The following DMD variants were observed in gnomAD, a reference collection of about 807,000 sequenced individuals.
DMD encodes the protein mutant dystrophin.
A neutral mutation model predicts 330.1 loss-of-function variants in DMD; 63 were observed. That is an observed-to-expected ratio of 0.19 (90% CI 0.16 to 0.24). The LOEUF (loss-of-function observed/expected upper bound fraction) is 0.24, where lower values mean the gene tolerates loss of function less well. Ranked by LOEUF, DMD falls within the 10% of genes least tolerant of loss-of-function variation. DMD has a pLI of 1.00. For missense variants in DMD, 3,344 were observed against 2,684.1 expected (o/e 1.25, Z -5.43); for synonymous variants, 1,223 against 959.8 (o/e 1.27, Z -5.07).
intron 52 of DMD, among the ~76,000 whole-genome samples, chrX:31,684,942 G>A (rs2082594995): frequency 8.9e-6 from 1 of 112,178 alleles, no homozygotes; most frequent in African/African-American, 3.2e-5. Context: ...CTCTTTTGAT[G>A]TAAACAAAGG....
At chrX:31,316,128 C>T (rs970354025) in intron 62 of DMD, among the ~76,000 whole-genome samples, 2 of 111,967 alleles carry the variant, frequency 1.8e-5, no homozygotes, top group African/African-American at 6.5e-5. Context: ...ACCATTCATA[C>T]ATCCATGCCA....
At chrX:32,889,907 A>G (rs987333897) in intron 2 of DMD, among the ~76,000 whole-genome samples, 4 of 111,330 alleles carry the variant, frequency 3.6e-5, no homozygotes, top group Admixed American at 2.9e-4. Flanking sequence ...TCCCCTCCAG[A>G]AATTTAAGAC....
intron 53 of DMD, among the ~76,000 whole-genome samples, chrX:31,673,563 A>G (rs937775337): frequency 1.8e-5 from 2 of 111,166 alleles, no homozygotes; most frequent in Non-Finnish European, 3.8e-5. Context: ...AGCCAAGATC[A>G]TGCCACTGCA....
intron 57 of DMD, among the ~76,000 whole-genome samples, chrX:31,485,548 CTAAA>C (rs921448094): frequency 3.6e-5 from 4 of 111,148 alleles, no homozygotes; most frequent in African/African-American, 1.3e-4. Context: ...ATAAAAATAT[CTAAA>C]TAATGCCATA....
intron 5 of DMD, among the ~76,000 whole-genome samples, chrX:32,822,349 T>C (rs1032577026): frequency 1.1e-4 from 12 of 110,361 alleles, no homozygotes; most frequent in African/African-American, 4.0e-4. Flanking sequence ...CGTGGAAGTT[T>C]AAATTCAAGT....
At chrX:32,887,753 A>C (rs2084769888) in intron 2 of DMD, among the ~76,000 whole-genome samples, 1 of 93,025 alleles carries the variant, frequency 1.1e-5, no homozygotes, top group Non-Finnish European at 2.1e-5. Context: ...CTCAAAAAAA[A>C]AAAAAAAAAA....
chrX:31,205,091 G>A (rs931190778), intron 66 of DMD, among the ~76,000 whole-genome samples: 3 of 111,919 alleles, frequency 2.7e-5, no homozygotes, highest in Middle Eastern at 4.6e-3. Context: ...GATAGTAGGT[G>A]CCCAATATAT....
Position 31,779,694 on chromosome X carries a change from T to C in DMD, c.7310-5502A>G, listed in dbSNP as rs1157805570. Among the ~76,000 whole-genome samples, 7 of 87,528 alleles carry C rather than the reference T, an allele frequency of 8.0e-5. No homozygotes were observed. The East Asian group carries it at 2.4e-3, about 31-fold the overall frequency. The allele number at this position is 87,528 out of a possible 115,157, so 76.0% of individuals were successfully genotyped here. A position where few individuals can be genotyped will look rare whatever the true frequency, so the allele number is the denominator to read the frequency against. ...CAGATAGATACACACATTGTGTGTG[T>C]GTGTGTGTGTGTGTGTGTGTGTGTA... On this transcript the variant is annotated intron_variant, in intron 50 of 78. Coordinates refer to ENST00000357033, the MANE Select transcript of DMD (RefSeq NM_004006.3).
intron 61 of DMD, among the ~76,000 whole-genome samples, chrX:31,332,998 C>T (rs2057215275): frequency 9.0e-6 from 1 of 111,276 alleles, no homozygotes; most frequent in African/African-American, 3.3e-5. Context: ...AGCATGGGAC[C>T]AGGGAACTAG....
chrX:32,252,919 T>C (rs1272079413), intron 43 of DMD, among the ~76,000 whole-genome samples: 1 of 79,768 alleles, frequency 1.3e-5, no homozygotes, highest in Non-Finnish European at 2.2e-5. Flanking sequence ...TAAATATATA[T>C]AGATATATAA....
chrX:32,114,684 A>G (rs1010287528), intron 44 of DMD, among the ~76,000 whole-genome samples: 1 of 112,057 alleles, frequency 8.9e-6, no homozygotes, highest in African/African-American at 3.2e-5. Flanking sequence ...TGATTCCTTC[A>G]CAGATTTTAC....
At chrX:31,744,915 A>C (rs764517508) in intron 51 of DMD, among the ~76,000 whole-genome samples, 6 of 112,263 alleles carry the variant, frequency 5.3e-5, no homozygotes, top group African/African-American at 1.9e-4. Flanking sequence ...AAATAATTGA[A>C]CTTGTGATGA....
chrX:32,783,242 A>ATG, intron 7 of DMD, among the ~76,000 whole-genome samples: 1 of 100,487 alleles, frequency 1.0e-5, no homozygotes, highest in African/African-American at 3.6e-5. Flanking sequence ...ATATACACAT[A>ATG]TGTGTATATA....
intron 53 of DMD, among the ~76,000 whole-genome samples, chrX:31,662,334 A>G (rs776873335): frequency 9.0e-6 from 1 of 111,451 alleles, no homozygotes; most frequent in African/African-American, 3.3e-5. Context: ...TAGCACATCT[A>G]CTACTAATTT....
At chrX:32,634,631 T>C (rs754428097) in intron 11 of DMD, among the ~76,000 whole-genome samples, 1 of 111,998 alleles carries the variant, frequency 8.9e-6, no homozygotes, top group South Asian at 3.7e-4. Flanking sequence ...AGAAATGTTA[T>C]CTGTGAGCTA....
chrX:33,289,562 C>G (rs2053484026), intron 1 of DMD, among the ~76,000 whole-genome samples: 2 of 111,383 alleles, frequency 1.8e-5, no homozygotes, highest in Middle Eastern at 9.3e-3. Flanking sequence ...CAAGGAAGGC[C>G]ACACATTTTA....
At chrX:32,378,195 G>A (rs1157714943) in intron 34 of DMD, among the ~76,000 whole-genome samples, 5 of 109,958 alleles carry the variant, frequency 4.5e-5, no homozygotes. Flanking sequence ...TCTTGGTTTT[G>A]TCTTTTAGGA....
At chrX:31,609,622 T>C (rs778410704) in intron 55 of DMD, among the ~76,000 whole-genome samples, 1 of 112,246 alleles carries the variant, frequency 8.9e-6, no homozygotes, top group Non-Finnish European at 1.9e-5. Context: ...GTTCCATTTT[T>C]GTAAATAGAA....
chrX:31,272,736 C>T (rs142255885), intron 62 of DMD, among the ~76,000 whole-genome samples: 4,012 of 112,343 alleles, frequency 0.036, 75 homozygotes, highest in Non-Finnish European at 0.055. Context: ...AAACTATTTA[C>T]TGCATGAAGA....
Sources: gnomAD v4.1 joint callset for allele counts (sites outside exome capture counted in the v4.1 genomes callset) on GRCh38, gnomAD v4.1.1 for gene constraint, MANE v1.5 for transcripts, NCBI Gene and HGNC (gene_info 2026-07-23, HGNC 2026-07-21) for gene names.